Variants in CDH13 observed in about 807,000 individuals in gnomAD.
The protein encoded by CDH13 is cadherin-13.
CDH13 carries 24 observed loss-of-function variants against 63.8 expected under a neutral mutation model. The ratio of observed to expected loss-of-function variants is 0.38; its 90% CI spans 0.27 to 0.53. The LOEUF (loss-of-function observed/expected upper bound fraction) is 0.53, where lower values mean the gene tolerates loss of function less well. Among genes scored for constraint, CDH13 ranks in the 20% least tolerant of loss-of-function variants. The pLI is 0.85. For synonymous variants in CDH13, 503 were observed against 355.3 expected, an observed-to-expected ratio of 1.42 and a Z score of -4.67; for missense variants, 1,049 against 903.1, an observed-to-expected ratio of 1.16 and a Z score of -2.07.
chr16:82,885,059 G>A (rs571517817), intron 2 of CDH13, among the ~76,000 whole-genome samples: 11 of 152,168 alleles, frequency 7.2e-5, no homozygotes, highest in South Asian at 2.1e-4. Flanking sequence ...TTTTTCTTCC[G>A]GTACTATATA....
intron 2 of CDH13, among the ~76,000 whole-genome samples, chr16:82,949,032 A>T (rs997697187): frequency 6.6e-6 from 1 of 152,166 alleles, no homozygotes; most frequent in Non-Finnish European, 1.5e-5. Context: ...ATCTTTGGCA[A>T]ATTACCCTGT....
intron 2 of CDH13, among the ~76,000 whole-genome samples, chr16:82,911,601 A>G (rs1451798117): frequency 6.6e-6 from 1 of 152,176 alleles, no homozygotes; most frequent in Non-Finnish European, 1.5e-5. Flanking sequence ...TGTCAGGATT[A>G]AAAGAGTTAA....
chr16:83,487,364 G>A (rs1456770045), intron 7 of CDH13, among the ~76,000 whole-genome samples: 1 of 152,172 alleles, frequency 6.6e-6, no homozygotes, highest in Admixed American at 6.5e-5. Flanking sequence ...AAATCCTGGA[G>A]ACATCAGGTC....
At chr16:83,482,155 G>A (rs2073784162) in intron 6 of CDH13, among the ~76,000 whole-genome samples, 1 of 151,894 alleles carries the variant, frequency 6.6e-6, no homozygotes, top group Middle Eastern at 3.4e-3. Context: ...GGAAGACAAG[G>A]TACTGGTGGC....
intron 2 of CDH13, among the ~76,000 whole-genome samples, chr16:82,902,775 A>G (rs2041513794): frequency 6.6e-6 from 1 of 151,980 alleles, no homozygotes; most frequent in Non-Finnish European, 1.5e-5. Flanking sequence ...TGTTTTCTGT[A>G]TTTCCCACCA....
intron 2 of CDH13, among the ~76,000 whole-genome samples, chr16:83,009,417 A>G (rs1240478218): frequency 2.0e-5 from 3 of 152,140 alleles, no homozygotes. Flanking sequence ...TACACTTGCA[A>G]CTATTGTAGG....
At chr16:83,650,598 T>C (rs1470246602) in intron 8 of CDH13, among the ~76,000 whole-genome samples, 1 of 152,130 alleles carries the variant, frequency 6.6e-6, no homozygotes, top group Non-Finnish European at 1.5e-5. Flanking sequence ...ACATTTTTTA[T>C]TGTCACAGCT....
At chr16:83,037,403 G>A (rs1375084642) in intron 3 of CDH13, among the ~76,000 whole-genome samples, 1 of 152,166 alleles carries the variant, frequency 6.6e-6, no homozygotes, top group Non-Finnish European at 1.5e-5. Context: ...TGCCACTGGG[G>A]AGGCTGCTGC....
At chr16:82,924,638 C>G (rs74033624) in intron 2 of CDH13, among the ~76,000 whole-genome samples, 2 of 152,072 alleles carry the variant, frequency 1.3e-5, no homozygotes, top group Admixed American at 1.3e-4. Flanking sequence ...AGATAAAGCC[C>G]GGGAGCACTA....
At chr16:82,933,160 A>G (rs2042554056) in intron 2 of CDH13, among the ~76,000 whole-genome samples, 2 of 152,114 alleles carry the variant, frequency 1.3e-5, no homozygotes, top group South Asian at 4.1e-4. Flanking sequence ...ATGAAGACAT[A>G]CTTCAGACTG....
intron 2 of CDH13, among the ~76,000 whole-genome samples, chr16:82,940,733 C>A (rs1398280889): frequency 6.6e-6 from 1 of 152,160 alleles, no homozygotes; most frequent in Non-Finnish European, 1.5e-5. Context: ...TTGGCAGGCA[C>A]ATACAGGCCC....
At chr16:83,744,914 G>C (rs1325184685) in intron 10 of CDH13, among the ~76,000 whole-genome samples, 1 of 152,206 alleles carries the variant, frequency 6.6e-6, no homozygotes, top group Non-Finnish European at 1.5e-5. Context: ...GAACGGCTGG[G>C]GGGAAGCAGC....
chr16:83,650,066 C>T (rs758057051), intron 8 of CDH13, among the ~76,000 whole-genome samples: 5 of 152,214 alleles, frequency 3.3e-5, no homozygotes, highest in African/African-American at 4.8e-5. Context: ...AAGGGTGACA[C>T]AGCTGCCTCC....
At chr16:83,444,911 T>C (rs1464772242) in intron 6 of CDH13, among the ~76,000 whole-genome samples, 9 of 3,452 alleles carry the variant, frequency 2.6e-3, no homozygotes, top group African/African-American at 5.2e-3. Context: ...ACTCCAAAAA[T>C]GGACCAAAAT....
intron 1 of CDH13, among the ~76,000 whole-genome samples, chr16:82,752,693 G>T (rs566293474): frequency 6.6e-6 from 1 of 152,304 alleles, no homozygotes; most frequent in South Asian, 2.1e-4. Context: ...GTTCCAAAGG[G>T]CCAGAACCAG....
At chr16:83,186,487 C>G (rs1286700158) in intron 4 of CDH13, among the ~76,000 whole-genome samples, 1 of 152,120 alleles carries the variant, frequency 6.6e-6, no homozygotes, top group Non-Finnish European at 1.5e-5. Context: ...TCAGTAGCCT[C>G]TGATGCTTGA....
intron 5 of CDH13, among the ~76,000 whole-genome samples, chr16:83,264,880 C>G (rs1284395455): frequency 1.3e-5 from 2 of 152,048 alleles, no homozygotes; most frequent in Non-Finnish European, 2.9e-5. Context: ...AAACTATGCA[C>G]ACATTTATTA....
At chr16:83,627,815 C>A (rs1910448847) in intron 8 of CDH13, among the ~76,000 whole-genome samples, 1 of 152,160 alleles carries the variant, frequency 6.6e-6, no homozygotes, top group Admixed American at 6.5e-5. Flanking sequence ...TTGGGAAAAT[C>A]AATGAATACA....
chr16:83,474,338 C>A (rs1214258325), intron 6 of CDH13, among the ~76,000 whole-genome samples: 1 of 152,128 alleles, frequency 6.6e-6, no homozygotes, highest in Non-Finnish European at 1.5e-5. Flanking sequence ...GTATGTTGCT[C>A]AGATCATGTA....
Sources: gnomAD v4.1 joint callset for allele counts (sites outside exome capture counted in the v4.1 genomes callset) on GRCh38, gnomAD v4.1.1 for gene constraint, MANE v1.5 for transcripts, NCBI Gene and HGNC (gene_info 2026-07-23, HGNC 2026-07-21) for gene names.